PALLD: variants seen among roughly 807,000 people sequenced by gnomAD.
PALLD encodes palladin, cytoskeletal associated protein.
PALLD carries 61 observed loss-of-function variants against 123.5 expected under a neutral mutation model. The observed-to-expected ratio is 0.49, with a 90% CI of 0.40 to 0.61. The LOEUF is 0.61. Among genes scored for constraint, PALLD ranks in the 20% least tolerant of loss-of-function variants. PALLD has a pLI of 0.00. For synonymous variants in PALLD, 465 were observed against 496.4 expected (o/e 0.94, Z 0.84); for missense variants, 1,273 against 1,377.0 (o/e 0.92, Z 1.20).
intron 10 of PALLD, among the ~76,000 whole-genome samples, chr4:168,850,987 GAATT>G (rs1381200692): frequency 6.6e-6 from 1 of 152,168 alleles, no homozygotes; most frequent in Non-Finnish European, 1.5e-5. Context: ...TTTGCAGAAT[GAATT>G]AATCTGGCCC....
intron 8 of PALLD, among the ~76,000 whole-genome samples, chr4:168,703,129 G>T (rs1216735095): frequency 3.8e-5 from 5 of 132,610 alleles, no homozygotes; most frequent in Admixed American, 7.6e-5. Flanking sequence ...TCATTGTTCA[G>T]TTCCCACCTA....
rs917030451 is a variant in PALLD at position 168,927,499 on chromosome 4, C to T, written c.*1319C>T. On this transcript the variant is annotated 3_prime_UTR_variant, in exon 22 of 22. Transcript: ENST00000505667. ...GCAAGTTGAAAATGGATTGAGACTG[C>T]ATGGTGGCATAAATGAGAAATTGCC... The T allele has an allele frequency of 1.3e-5, 3 of 232,038 alleles. No individual in the cohort carries two copies. The highest frequency in any genetic ancestry group is 5.6e-5 in the Admixed American group (1 of 17,732). 14.4% of individuals were successfully genotyped at this position (232,038 alleles called of 1,614,324 possible).
intron 10 of PALLD, among the ~76,000 whole-genome samples, chr4:168,804,388 A>G (rs1739829655): frequency 6.6e-6 from 1 of 152,242 alleles, no homozygotes; most frequent in African/African-American, 2.4e-5. Context: ...TAGGAGAGGA[A>G]CTACAAGGAG....
chr4:168,605,915 C>CT (rs1318322169), intron 2 of PALLD, among the ~76,000 whole-genome samples: 5 of 150,818 alleles, frequency 3.3e-5, no homozygotes, highest in Non-Finnish European at 5.9e-5. Context: ...GATTTTTATC[C>CT]TTTTTTTTAA....
intron 10 of PALLD, among the ~76,000 whole-genome samples, chr4:168,724,980 C>A (rs1213734273): frequency 1.3e-5 from 2 of 152,164 alleles, no homozygotes; most frequent in Non-Finnish European, 2.9e-5. Flanking sequence ...GACTCTGAAG[C>A]CCTGGGAATG....
intron 2 of PALLD, among the ~76,000 whole-genome samples, chr4:168,658,470 A>G (rs1382078264): frequency 2.6e-5 from 4 of 151,732 alleles, no homozygotes; most frequent in Admixed American, 2.6e-4. Context: ...TTTTTTTTGT[A>G]GAGACAGGGT....
intron 11 of PALLD, 25 bp from the exon 12 acceptor site, chr4:168,894,554 A>AT (rs777923870): frequency 1.4e-5 from 21 of 1,518,976 alleles, no homozygotes; most frequent in Non-Finnish European, 1.9e-5. Flanking sequence ...CTAATTTTGT[A>AT]TTTTTTGTGA....
intron 10 of PALLD, among the ~76,000 whole-genome samples, chr4:168,792,743 A>G (rs1169842725): frequency 6.6e-6 from 1 of 151,884 alleles, no homozygotes; most frequent in Non-Finnish European, 1.5e-5. Flanking sequence ...GATAAATTCT[A>G]TTTAATCTTA....
At chr4:168,632,251 G>T in intron 2 of PALLD, among the ~76,000 whole-genome samples, 1 of 150,604 alleles carries the variant, frequency 6.6e-6, no homozygotes, top group Non-Finnish European at 1.5e-5. Context: ...TGTTTAACTT[G>T]CCTGCTGCGA....
intron 10 of PALLD, among the ~76,000 whole-genome samples, chr4:168,817,091 A>G (rs1581622793): frequency 1.3e-5 from 2 of 152,318 alleles, no homozygotes; most frequent in South Asian, 4.1e-4. Flanking sequence ...TTGTTCCACA[A>G]AATAAACAGG....
chr4:168,509,148 G>T (rs369363532), intron 1 of PALLD, among the ~76,000 whole-genome samples: 92 of 152,204 alleles, frequency 6.0e-4, no homozygotes, highest in Middle Eastern at 3.4e-3. Context: ...TAAAAACAAT[G>T]CAAATTATAC....
intron 2 of PALLD, among the ~76,000 whole-genome samples, chr4:168,584,331 G>A (rs1039212085): frequency 6.6e-6 from 1 of 151,984 alleles, no homozygotes; most frequent in Non-Finnish European, 1.5e-5. Context: ...ATTACAGTGT[G>A]CGTTAAGAAT....
intron 2 of PALLD, among the ~76,000 whole-genome samples, chr4:168,658,244 T>G (rs1778775385): frequency 1.3e-5 from 2 of 151,988 alleles, no homozygotes; most frequent in African/African-American, 4.8e-5. Flanking sequence ...TTATCTATTT[T>G]TATAGGTTTT....
chr4:168,724,625 G>A lies in PALLD; in HGVS notation c.1964+12702G>A, dbSNP rs186408729. Among the ~76,000 whole-genome samples, 400 of 152,324 alleles carry A rather than the reference G, an allele frequency of 2.6e-3. 1 individual carries two copies. Among genetic ancestry groups the A allele is most frequent in the African/African-American group, 8.9e-3 (369 of 41,576 alleles). ...ATGATGAACATATTAAATTGATTCT[G>A]TCAAATGTAGATTTTTCTAAAATAA... On this transcript the variant is annotated intron_variant, in intron 10 of 21. Transcript: ENST00000505667.
rs566764784 is a variant in PALLD, at chr4:168,740,535, G to A, written c.1964+28612G>A. Among the ~76,000 whole-genome samples, 30 of 152,186 alleles carry A rather than the reference G, an allele frequency of 2.0e-4. 1 individual carries two copies. The South Asian group carries it at 6.0e-3, about 31-fold the overall frequency. On this transcript the variant is annotated intron_variant, in intron 10 of 21. Coordinates refer to ENST00000505667, the MANE Select transcript of PALLD (RefSeq NM_001166108.2). ...GAATTGACAGATACTAAGTTTCTTA[G>A]TCAATCTTGCAGGCGCTTTCAGAAT...
chr4:168,663,810 A>G lies in PALLD; in HGVS notation c.909-4380A>G, dbSNP rs538445496. Among the ~76,000 whole-genome samples the G allele has an allele frequency of 1.4e-3, 208 of 152,314 alleles. 1 individual carries two copies. Among genetic ancestry groups the G allele is most frequent in the Non-Finnish European group, 2.4e-3 (164 of 68,028 alleles). Reference sequence around the variant, plus strand: ...CCATTATTTGATATCAAATGTATTTATGCCAATTTCCCCAACTAGAAATCA... The same window carrying G: ...CCATTATTTGATATCAAATGTATTTGTGCCAATTTCCCCAACTAGAAATCA... On this transcript the variant is annotated intron_variant, in intron 2 of 21. Coordinates refer to ENST00000505667, the MANE Select transcript of PALLD (RefSeq NM_001166108.2).
intron 16 of PALLD, among the ~76,000 whole-genome samples, chr4:168,915,248 C>T (rs185035827): frequency 1.4e-4 from 21 of 152,248 alleles, no homozygotes; most frequent in Admixed American, 2.0e-4. Context: ...AATTTGTATT[C>T]AACATCTTTT....
rs146884074 is a variant in PALLD, at chr4:168,842,142, AT to A, written c.1965-48779del. ...TGGATTTTCTTCTGCCCTTGAGGTAATCTGCTCCTCCTTTCATTCACCGTGC... is the reference window on the plus strand; with the variant it reads ...TGGATTTTCTTCTGCCCTTGAGGTAACTGCTCCTCCTTTCATTCACCGTGC... On this transcript the variant is annotated intron_variant, in intron 10 of 21. Coordinates refer to ENST00000505667, the MANE Select transcript of PALLD (RefSeq NM_001166108.2). Among the ~76,000 whole-genome samples the A allele has an allele frequency of 3.5e-3, 533 of 152,270 alleles. 5 individuals are homozygous for A. The highest frequency in any genetic ancestry group is 0.012 in the African/African-American group (512 of 41,540).
intron 15 of PALLD, among the ~76,000 whole-genome samples, chr4:168,907,327 G>T (rs989630384): frequency 6.6e-6 from 1 of 152,164 alleles, no homozygotes; most frequent in Admixed American, 6.5e-5. Flanking sequence ...TAGGTACTCC[G>T]TTCCCACAGT....
Sources: allele counts gnomAD v4.1 joint callset (sites outside exome capture counted in the v4.1 genomes callset), GRCh38; gene constraint gnomAD v4.1.1; transcripts MANE v1.5; gene names NCBI Gene and HGNC (gene_info 2026-07-23, HGNC 2026-07-21).